Variants in KAZN observed in about 807,000 individuals in gnomAD.
The protein encoded by KAZN is kazrin.
In KAZN, 40 loss-of-function variants were observed where a neutral mutation model predicts 87.4. That is an observed-to-expected ratio of 0.46 (90% confidence interval 0.36 to 0.60). The LOEUF is 0.60. KAZN is among the 20% of genes least tolerant of loss of function. The pLI is 0.00. For missense variants in KAZN, 898 were observed against 1,073.9 expected, an observed-to-expected ratio of 0.84 and a Z score of 2.29; for synonymous variants, 466 against 458.3, an observed-to-expected ratio of 1.02 and a Z score of -0.22.
At position 15,114,595 on chromosome 1, in the gene KAZN, G is replaced by T. The variant is rs1234140715; in HGVS notation, c.2288G>T (p.Arg763Leu). 6.3e-7 allele frequency: 1 copy of T among 1,599,302 alleles called. No homozygotes were observed. The highest frequency in any genetic ancestry group is 1.7e-5 in the Admixed American group (1 of 57,734). ...CCCCAGAGCAGGCTGGAACAGTGCC[G>T]TCTGGAAGGCTACAACAGCCTGGAG... ...DDPQSRLEQC[R>L]LEGYNSLEVT... Residue 763 changes from arginine to leucine, a missense_variant, in exon 15 of 15, where the codon CGT becomes CTT. Coordinates refer to ENST00000376030, the MANE Select transcript of KAZN (RefSeq NM_201628.3).
intron 2 of KAZN, among the ~76,000 whole-genome samples, chr1:14,206,280 AAG>A (rs1250641645): frequency 6.6e-6 from 1 of 152,220 alleles, no homozygotes; most frequent in Non-Finnish European, 1.5e-5. Context: ...TTTTTTAAAA[AAG>A]AAATATAGAT....
chr1:14,959,651 G>A (rs1663600860), intron 1 of KAZN, among the ~76,000 whole-genome samples: 1 of 152,188 alleles, frequency 6.6e-6, no homozygotes, highest in African/African-American at 2.4e-5. Context: ...GGTCTCCTAA[G>A]TGAGGTTTCC....
chr1:14,320,237 C>A, intron 2 of KAZN, among the ~76,000 whole-genome samples: 1 of 152,216 alleles, frequency 6.6e-6, no homozygotes, highest in Middle Eastern at 3.4e-3. Flanking sequence ...GATTACCGCA[C>A]ACAGAAGCTC....
At chr1:14,587,797 A>T (rs1335397999) in intron 2 of KAZN, among the ~76,000 whole-genome samples, 1 of 152,180 alleles carries the variant, frequency 6.6e-6, no homozygotes, top group Non-Finnish European at 1.5e-5. Context: ...TCATTTCGAC[A>T]TGAGATTTGG....
chr1:14,843,851 C>T (rs1298396233), intron 1 of KAZN, among the ~76,000 whole-genome samples: 1 of 152,186 alleles, frequency 6.6e-6, no homozygotes, highest in Non-Finnish European at 1.5e-5. Context: ...GTTGCTGGGT[C>T]TCTTGCACAA....
At position 14,980,301 on chromosome 1, in the gene KAZN, C is replaced by T. The variant is rs567367101; in HGVS notation, c.418+19426C>T. On this transcript the variant is annotated intron_variant, in intron 2 of 14. Coordinates refer to ENST00000376030, the MANE Select transcript of KAZN (RefSeq NM_201628.3). ...GAGAGTTTTGCAAGAGAAGAGGGCT[C>T]TATTAAAAGTTGTGTTGGGAGAGTG... Among the ~76,000 whole-genome samples, 3 of 152,250 alleles carry T rather than the reference C, an allele frequency of 2.0e-5. No homozygotes were observed. The South Asian group carries it at 6.2e-4, about 32-fold the overall frequency.
intron 1 of KAZN, among the ~76,000 whole-genome samples, chr1:14,179,901 T>G (rs747050124): frequency 1.3e-5 from 2 of 152,180 alleles, no homozygotes; most frequent in Admixed American, 6.5e-5. Flanking sequence ...ATGGGAATTA[T>G]AGAGAAATAA....
intron 2 of KAZN, among the ~76,000 whole-genome samples, chr1:14,292,553 C>T (rs1009268301): frequency 2.0e-5 from 3 of 152,172 alleles, no homozygotes; most frequent in Non-Finnish European, 2.9e-5. Context: ...AAGGCAGGTG[C>T]AGTGCTGATG....
At chr1:14,763,537 G>A (rs539768533) in intron 1 of KAZN, among the ~76,000 whole-genome samples, 10 of 152,290 alleles carry the variant, frequency 6.6e-5, no homozygotes, top group South Asian at 4.1e-4. Flanking sequence ...GGAGTTTCAC[G>A]CAAAGGCATT....
At chr1:14,119,480 A>G (rs1048479457) in intron 1 of KAZN, among the ~76,000 whole-genome samples, 1 of 152,172 alleles carries the variant, frequency 6.6e-6, no homozygotes, top group African/African-American at 2.4e-5. Context: ...AATTGGAGCA[A>G]ATGTTAGAAC....
chr1:13,943,908 G>T (rs969771874), intron 1 of KAZN, among the ~76,000 whole-genome samples: 1 of 152,204 alleles, frequency 6.6e-6, no homozygotes, highest in African/African-American at 2.4e-5. Flanking sequence ...ATGGAGAAAT[G>T]GGAACCTTCC....
At chr1:14,279,070 A>T (rs1413142180) in intron 2 of KAZN, among the ~76,000 whole-genome samples, 1 of 151,720 alleles carries the variant, frequency 6.6e-6, no homozygotes, top group Non-Finnish European at 1.5e-5. Flanking sequence ...TGTATTTATC[A>T]TAGACATAAG....
chr1:14,071,764 C>T (rs1408534173), intron 1 of KAZN, among the ~76,000 whole-genome samples: 1 of 152,164 alleles, frequency 6.6e-6, no homozygotes, highest in Non-Finnish European at 1.5e-5. Flanking sequence ...TTTGTGGACT[C>T]CCAGAAATGC....
intron 2 of KAZN, among the ~76,000 whole-genome samples, chr1:14,247,510 C>T (rs1486786969): frequency 1.3e-5 from 2 of 152,206 alleles, no homozygotes; most frequent in Non-Finnish European, 2.9e-5. Context: ...TAAGTAAGAA[C>T]ATGAGGTGTT....
intron 2 of KAZN, among the ~76,000 whole-genome samples, chr1:14,541,922 C>T (rs577541726): frequency 4.6e-5 from 7 of 152,306 alleles, no homozygotes; most frequent in South Asian, 2.1e-4. Context: ...TCCACTTACT[C>T]GCCTTGACAG....
At chr1:14,908,607 C>A (rs1291059401) in intron 1 of KAZN, among the ~76,000 whole-genome samples, 5 of 151,972 alleles carry the variant, frequency 3.3e-5, no homozygotes, top group Non-Finnish European at 7.4e-5. Flanking sequence ...CTCCCAGCTA[C>A]TCAGGAGGCT....
intron 1 of KAZN, among the ~76,000 whole-genome samples, chr1:14,915,012 A>T (rs1390213519): frequency 1.3e-5 from 2 of 151,940 alleles, no homozygotes; most frequent in African/African-American, 4.8e-5. Flanking sequence ...ACATGGAGAA[A>T]CCCCATCACT....
chr1:14,259,653 C>T (rs540109442), intron 2 of KAZN, among the ~76,000 whole-genome samples: 2 of 152,282 alleles, frequency 1.3e-5, no homozygotes, highest in East Asian at 3.9e-4. Flanking sequence ...ATGCTAGTAA[C>T]CCCGGACATG....
At chr1:14,386,259 CTT>C (rs1292682046) in intron 2 of KAZN, among the ~76,000 whole-genome samples, 1 of 146,852 alleles carries the variant, frequency 6.8e-6, no homozygotes, top group Admixed American at 6.8e-5. Flanking sequence ...GGTCTTGACT[CTT>C]TATCCAATTT....
Sources: gnomAD v4.1 joint callset for allele counts (sites outside exome capture counted in the v4.1 genomes callset) on GRCh38, gnomAD v4.1.1 for gene constraint, MANE v1.5 for transcripts, NCBI Gene and HGNC (gene_info 2026-07-23, HGNC 2026-07-21) for gene names.